Variants in EPG5 observed in about 807,000 individuals in gnomAD.
EPG5 encodes ectopic P-granules 5 autophagy tethering factor, also known as ectopic P granules protein 5 homolog.
EPG5 carries 159 observed loss-of-function variants against 302.7 expected under a neutral mutation model. The ratio of observed to expected loss-of-function variants is 0.53; its 90% CI spans 0.46 to 0.60. The LOEUF is 0.60. Among genes scored for constraint, EPG5 ranks in the 20% least tolerant of loss-of-function variants. EPG5 has a pLI of 0.00. For missense variants in EPG5, 2,896 were observed against 3,092.4 expected, an observed-to-expected ratio of 0.94 and a Z score of 1.51; for synonymous variants, 1,158 against 1,136.8, an observed-to-expected ratio of 1.02 and a Z score of -0.37.
chr18:45,955,758 GAAC>G (rs1386667852), intron 1 of EPG5, among the ~76,000 whole-genome samples: 1 of 152,116 alleles, frequency 6.6e-6, no homozygotes, highest in Non-Finnish European at 1.5e-5. Flanking sequence ...GAAAAGGACG[GAAC>G]AACTTGAGCA....
intron 36 of EPG5, among the ~76,000 whole-genome samples, 179 bp downstream of exon 36, chr18:45,870,388 A>T (rs1263742099): frequency 6.6e-6 from 1 of 152,144 alleles, no homozygotes; most frequent in East Asian, 1.9e-4. Flanking sequence ...TAGATGTTTT[A>T]ACACGATAAA....
the EPG5 span, chr18:45,842,217 A>G: frequency 6.2e-7 from 1 of 1,611,884 alleles, no homozygotes; most frequent in South Asian, 1.1e-5. Context: ...CATCCATTTC[A>G]GCACTGTAAA....
At position 45,880,178 on chromosome 18, in the gene EPG5, A is replaced by G; in HGVS notation, c.5564T>C (p.Leu1855Pro). ...LLSPECWKAT[L>P]RALGCCAPSC... ...GGGGGCGCAGCAGCCCAGGGCTCTCAGAGTGGCCTTCCAACACTCGGGGCT... is the reference window on the plus strand; with the variant it reads ...GGGGGCGCAGCAGCCCAGGGCTCTCGGAGTGGCCTTCCAACACTCGGGGCT... Residue 1855 changes from leucine (L) to proline (P), a missense_variant, in exon 32 of 44, where the codon CTG becomes CCG. Leu to Pro is a moderately conservative substitution (Grantham distance 98). Coordinates refer to ENST00000282041, the MANE Select transcript of EPG5 (RefSeq NM_020964.3). 1.2e-6 allele frequency: 2 copies of G among 1,610,842 alleles called. No individual in the cohort carries two copies. The highest frequency in any genetic ancestry group is 1.7e-6 in the Non-Finnish European group (2 of 1,178,204).
chr18:45,964,694 G>A (rs1185526979), intron 1 of EPG5, among the ~76,000 whole-genome samples: 1 of 152,172 alleles, frequency 6.6e-6, no homozygotes, highest in Non-Finnish European at 1.5e-5. Flanking sequence ...TGAGCCGGGT[G>A]TGGTGGCTCA....
At position 45,937,532 on chromosome 18, in the gene EPG5, G is replaced by A. The variant is rs544144261; in HGVS notation, c.2099+2068C>T. ...AGCGATTCTTCTGCCTCAGCCTCCC[G>A]AGTAGCTGGGATTACAGGTGCCTGC... On this transcript the variant is annotated intron_variant, in intron 10 of 43. Coordinates refer to ENST00000282041, the MANE Select transcript of EPG5 (RefSeq NM_020964.3). 4.6e-5 allele frequency among the ~76,000 whole-genome samples: 7 copies of A among 152,014 alleles called. No individual in the cohort carries two copies. The South Asian group carries it at 1.2e-3, about 27-fold the overall frequency.
At chr18:45,806,615 G>A in the EPG5 span, among the ~76,000 whole-genome samples, 2 of 151,818 alleles carry the variant, frequency 1.3e-5, no homozygotes, top group Admixed American at 1.3e-4. Flanking sequence ...GAATACAGGA[G>A]AAGACTAATA....
At chr18:45,868,225 G>A (rs1213333974) in intron 36 of EPG5, 1 of 453,574 alleles carries the variant, frequency 2.2e-6, no homozygotes, top group African/African-American at 2.0e-5. Flanking sequence ...GTATGGGTTG[G>A]GAGCCAGAAT....
At chr18:45,841,473 A>C in the EPG5 span, among the ~76,000 whole-genome samples, 2,394 of 152,252 alleles carry the variant, frequency 0.016, 57 homozygotes, top group African/African-American at 0.049. Flanking sequence ...TTTTAAGCGG[A>C]CGCATGGCTC....
At chr18:45,842,450 A>G in the EPG5 span, 10 of 480,520 alleles carry the variant, frequency 2.1e-5, no homozygotes, top group African/African-American at 1.9e-4. Flanking sequence ...TGTGAGAGAG[A>G]GAGAGAGAGA....
chr18:45,915,966 C>G, intron 19 of EPG5, 43 bp downstream of exon 19: 1 of 1,526,716 alleles, frequency 6.6e-7, no homozygotes, highest in Non-Finnish European at 8.9e-7. Context: ...GCTACTTTAT[C>G]TAGCCAATCA....
chr18:45,841,579 G>T, the EPG5 span, among the ~76,000 whole-genome samples: 17 of 152,292 alleles, frequency 1.1e-4, no homozygotes, highest in African/African-American at 3.8e-4. Flanking sequence ...GGTGGCGGTG[G>T]GGAAGTGGGT....
chr18:45,830,246 A>G, the EPG5 span, among the ~76,000 whole-genome samples: 3 of 152,136 alleles, frequency 2.0e-5, no homozygotes, highest in Non-Finnish European at 4.4e-5. Context: ...ACCCTATCCA[A>G]TTGCAGCTTC....
intron 16 of EPG5, among the ~76,000 whole-genome samples, chr18:45,920,459 G>C (rs1352293475): frequency 1.3e-5 from 2 of 152,136 alleles, no homozygotes; most frequent in African/African-American, 4.8e-5. Context: ...AGGAATACCT[G>C]AGACTGGGCA....
At chr18:45,956,343 G>A (rs2051029389) in intron 1 of EPG5, among the ~76,000 whole-genome samples, 1 of 152,168 alleles carries the variant, frequency 6.6e-6, no homozygotes, top group Admixed American at 6.5e-5. Flanking sequence ...TGACAACTAA[G>A]TGTATTGCGG....
rs2048500699 is a variant in EPG5 at position 45,855,638 on chromosome 18, G to A, written c.7492C>T (p.Pro2498Ser). ...SMAAFLSVQVPMEDQIRLRPG... is the reference protein window; with the variant it reads ...SMAAFLSVQVSMEDQIRLRPG... ...CTCAAACGGATCTGATCTTCCATAG[G>A]AACCTGAACTGAAAGGAAGGCAGCC... The change falls in exon 43 of 44, where the codon CCT (proline) becomes TCT (serine). Residue 2498 changes from proline to serine, a missense_variant. Pro to Ser is a moderately conservative substitution (Grantham distance 74). This residue lies in a region of EPG5 where 620 missense variants were observed against 704.2 expected (regional missense o/e 0.88). Transcript: ENST00000282041. The A allele has an allele frequency of 3.7e-6, 6 of 1,614,084 alleles. No individual in the cohort carries two copies. The highest frequency in any genetic ancestry group is 3.3e-5 in the Admixed American group (2 of 60,006).
intron 27 of EPG5, among the ~76,000 whole-genome samples, chr18:45,892,323 G>A (rs750545931): frequency 2.6e-5 from 4 of 152,172 alleles, no homozygotes; most frequent in Admixed American, 6.5e-5. Flanking sequence ...GCAATGGAAT[G>A]TCTATCAGTT....
chr18:45,959,899 A>C (rs1010325203), intron 1 of EPG5, among the ~76,000 whole-genome samples: 6 of 152,122 alleles, frequency 3.9e-5, no homozygotes, highest in Non-Finnish European at 7.4e-5. Context: ...GAATCACTTG[A>C]ATCTGGGAGG....
At chr18:45,871,163 T>C (rs990197853) in intron 35 of EPG5, among the ~76,000 whole-genome samples, 3 of 152,198 alleles carry the variant, frequency 2.0e-5, no homozygotes, top group South Asian at 2.1e-4. Flanking sequence ...AAATAGCCAA[T>C]AGGTGCATGA....
intron 33 of EPG5, 102 bp from the exon 34 acceptor site, chr18:45,878,550 A>T: frequency 4.1e-6 from 3 of 732,482 alleles, no homozygotes; most frequent in Non-Finnish European, 7.0e-6. Context: ...CTGTAGCTTC[A>T]TAAACCTATG....
Sources: allele counts gnomAD v4.1 joint callset (sites outside exome capture counted in the v4.1 genomes callset), GRCh38; gene constraint gnomAD v4.1.1; regional missense constraint gnomAD v4.1.1; transcripts MANE v1.5; gene names NCBI Gene and HGNC (gene_info 2026-07-23, HGNC 2026-07-21).